CDC42BPB: variants seen among roughly 807,000 people sequenced by gnomAD.
CDC42BPB encodes serine/threonine-protein kinase MRCK beta.
A neutral mutation model predicts 214.9 loss-of-function variants in CDC42BPB; 37 were observed. The ratio of observed to expected loss-of-function variants is 0.17; its 90% CI spans 0.13 to 0.23. CDC42BPB has a LOEUF of 0.23. Ranked by LOEUF, CDC42BPB falls within the 10% of genes least tolerant of loss-of-function variation. CDC42BPB has a pLI of 1.00. For missense variants in CDC42BPB, 1,694 were observed against 2,227.0 expected (o/e 0.76, Z 4.82); for synonymous variants, 931 against 884.0 (o/e 1.05, Z -0.94).
chr14:103,044,616 G>A (rs1888189947), intron 1 of CDC42BPB, among the ~76,000 whole-genome samples: 1 of 151,956 alleles, frequency 6.6e-6, no homozygotes, highest in Admixed American at 6.5e-5. Context: ...TGATCCGCCA[G>A]CCTCAGTCTC....
intron 24 of CDC42BPB, among the ~76,000 whole-genome samples, chr14:102,951,471 G>A (rs190852781): frequency 7.9e-5 from 12 of 151,900 alleles, no homozygotes; most frequent in Admixed American, 7.9e-4. Flanking sequence ...CCCAGCACAG[G>A]GCAAGAGCAC....
intron 1 of CDC42BPB, among the ~76,000 whole-genome samples, chr14:103,022,041 G>A (rs1196223654): frequency 1.3e-5 from 2 of 152,164 alleles, no homozygotes; most frequent in Non-Finnish European, 2.9e-5. Context: ...AGAAGCCCAA[G>A]GTGCCCAGTG....
At chr14:102,949,489 T>A (rs1212837121) in intron 26 of CDC42BPB, among the ~76,000 whole-genome samples, 2 of 152,020 alleles carry the variant, frequency 1.3e-5, no homozygotes, top group Non-Finnish European at 2.9e-5. Flanking sequence ...GTTAAATTAA[T>A]TCCCCTGTGG....
chr14:103,053,695 G>A (rs1450395141), intron 1 of CDC42BPB, among the ~76,000 whole-genome samples: 3 of 150,080 alleles, frequency 2.0e-5, no homozygotes, highest in Non-Finnish European at 4.4e-5. Context: ...CCGGGAGGCA[G>A]AGCTTGCAGT....
intron 5 of CDC42BPB, among the ~76,000 whole-genome samples, chr14:102,995,268 G>A (rs1052444726): frequency 9.2e-5 from 14 of 151,668 alleles, no homozygotes; most frequent in Middle Eastern, 3.4e-3. Context: ...TCCACTTCAC[G>A]GGTTCAAGCA....
chr14:102,963,405 C>G, intron 19 of CDC42BPB: 2 of 423,762 alleles, frequency 4.7e-6, no homozygotes, highest in Non-Finnish European at 6.3e-6. Context: ...CCTAATGGAG[C>G]TCTTGACCTT....
chr14:103,039,009 AC>A (rs1224281285), intron 1 of CDC42BPB, among the ~76,000 whole-genome samples: 32 of 152,208 alleles, frequency 2.1e-4, no homozygotes, highest in African/African-American at 7.2e-4. Context: ...CTGTATGCCA[AC>A]AAATTAGATA....
intron 34 of CDC42BPB, among the ~76,000 whole-genome samples, chr14:102,939,093 C>T (rs1297276955): frequency 2.0e-5 from 3 of 152,134 alleles, no homozygotes; most frequent in African/African-American, 7.2e-5. Flanking sequence ...CCTGCCGCCA[C>T]ACCCAGCTAA....
chr14:102,973,900 C>T, intron 12 of CDC42BPB, 116 bp downstream of exon 12: 1 of 1,299,604 alleles, frequency 7.7e-7, no homozygotes, highest in South Asian at 1.6e-5. Flanking sequence ...CTGCATGCAG[C>T]AGGGACAGCC....
intron 28 of CDC42BPB, among the ~76,000 whole-genome samples, 199 bp downstream of exon 28, chr14:102,946,269 C>T (rs570741807): frequency 5.9e-5 from 9 of 152,306 alleles, no homozygotes; most frequent in East Asian, 3.9e-4. Flanking sequence ...GTGATCCGCC[C>T]GCCTTGGCCT....
chr14:103,030,320 CAAAG>C (rs1325698903), intron 1 of CDC42BPB, among the ~76,000 whole-genome samples: 1 of 152,172 alleles, frequency 6.6e-6, no homozygotes, highest in African/African-American at 2.4e-5. Context: ...AAAAAAGAGG[CAAAG>C]AAAGTTTGAG....
At chr14:102,981,636 C>T (rs117085326) in intron 7 of CDC42BPB, among the ~76,000 whole-genome samples, 1,832 of 152,108 alleles carry the variant, frequency 0.012, 18 homozygotes, top group Non-Finnish European at 0.018. Flanking sequence ...CAAAAATTAC[C>T]GGGCGTGGTG....
At chr14:103,041,598 CAT>C in intron 1 of CDC42BPB, 1 of 894,312 alleles carries the variant, frequency 1.1e-6, no homozygotes, top group East Asian at 2.6e-5. Flanking sequence ...AAGTGCCCCA[CAT>C]TGCCCTGCAC....
At chr14:102,974,941 G>A (rs998440911) in intron 11 of CDC42BPB, among the ~76,000 whole-genome samples, 11 of 152,014 alleles carry the variant, frequency 7.2e-5, no homozygotes, top group South Asian at 2.1e-4. Context: ...GTGAGACTCC[G>A]TCTCAAAAAA....
rs775468568 is a variant in CDC42BPB at position 102,975,694 on chromosome 14, A to T, written c.1497T>A (p.Asn499Lys). 1.9e-6 allele frequency: 3 copies of T among 1,614,064 alleles called. No homozygotes were observed. The highest frequency in any genetic ancestry group is 2.5e-6 in the Non-Finnish European group (3 of 1,179,910). ...CTTTTAAACACATACCTGCTATTTT[A>T]TTCTTCAAGCGTTCGATTTCTTCAT... ...KLNEEIERLK[N>K]KIADSNRLER... The change falls in exon 11 of 37, where the codon AAT becomes AAA. Residue 499 changes from asparagine (N) to lysine (K), a missense_variant. Physicochemically the swap from Asn to Lys is moderately conservative, Grantham distance 94. This residue lies in a region of CDC42BPB where 462 missense variants were observed against 513.5 expected (regional missense o/e 0.90). Transcript: ENST00000361246.
chr14:102,998,896 G>C, intron 5 of CDC42BPB, among the ~76,000 whole-genome samples: 1 of 151,926 alleles, frequency 6.6e-6, no homozygotes, highest in Non-Finnish European at 1.5e-5. Context: ...GCCCCAGGGA[G>C]CACAGGCATT....
At chr14:102,937,342 G>A (rs1006381278) in intron 36 of CDC42BPB, among the ~76,000 whole-genome samples, 3 of 152,270 alleles carry the variant, frequency 2.0e-5, no homozygotes, top group African/African-American at 7.2e-5. Flanking sequence ...ACAAAGGATG[G>A]AGAAGACAAA....
At chr14:102,989,254 C>T (rs867936437) in intron 5 of CDC42BPB, among the ~76,000 whole-genome samples, 19 of 152,170 alleles carry the variant, frequency 1.2e-4, no homozygotes, top group East Asian at 1.9e-4. Flanking sequence ...TGAAAATGCA[C>T]GGTTGGCAAA....
rs1894994810 is a variant in CDC42BPB, at chr14:103,001,737, A to G, written c.448-2024T>C. 6.6e-6 allele frequency among the ~76,000 whole-genome samples: 1 copy of G among 152,140 alleles called. No individual in the cohort carries two copies. Among genetic ancestry groups the G allele is most frequent in the African/African-American group, 2.4e-5 (1 of 41,424 alleles). ...ACGGACACACACGGGGCCAGGGGAG[A>G]TGCGGTGAACGAACGGCCAGGCCCT... On this transcript the variant is annotated intron_variant, in intron 4 of 36. Coordinates refer to ENST00000361246, the MANE Select transcript of CDC42BPB (RefSeq NM_006035.4). This position sits in a 1 kb window ranked among gnomAD's most constrained non-coding sequence, Gnocchi z 5.8.
Sources: allele counts gnomAD v4.1 joint callset (sites outside exome capture counted in the v4.1 genomes callset), GRCh38; gene constraint gnomAD v4.1.1; regional missense constraint gnomAD v4.1.1; non-coding constraint Gnocchi (gnomAD v3.1); transcripts MANE v1.5; gene names NCBI Gene and HGNC (gene_info 2026-07-23, HGNC 2026-07-21).